C2: variants seen among roughly 807,000 people sequenced by gnomAD.
C2 encodes the protein complement C2, also known as C3/C5 convertase.
Under a neutral mutation model 85.2 loss-of-function variants are expected in C2, and 64 were observed. The ratio of observed to expected loss-of-function variants is 0.75; its 90% CI spans 0.61 to 0.92. The LOEUF (loss-of-function observed/expected upper bound fraction) is 0.92, where lower values mean the gene tolerates loss of function less well. Ranked by LOEUF, C2 falls within the 40% of genes least tolerant of loss-of-function variation. The pLI is 0.00. For missense variants in C2, 820 were observed against 971.6 expected, an observed-to-expected ratio of 0.84 and a Z score of 2.07; for synonymous variants, 311 against 370.8, an observed-to-expected ratio of 0.84 and a Z score of 1.85.
intron 1 of C2, among the ~76,000 whole-genome samples, chr6:31,912,037 C>T (rs1022339762): frequency 2.0e-5 from 3 of 150,118 alleles, no homozygotes; most frequent in Admixed American, 1.3e-4. Context: ...TCCCAAAGTG[C>T]TGGGATTACA....
At chr6:31,911,018 G>T (rs932794958) in intron 1 of C2, among the ~76,000 whole-genome samples, 4 of 151,470 alleles carry the variant, frequency 2.6e-5, no homozygotes, top group Admixed American at 2.0e-4. Flanking sequence ...AATGAATTGG[G>T]CTGGGTGTGG....
chr6:31,931,749 A>G (rs1306786005), intron 3 of C2, among the ~76,000 whole-genome samples: 3 of 152,084 alleles, frequency 2.0e-5, no homozygotes, highest in Non-Finnish European at 2.9e-5. Flanking sequence ...CGTCATTGTC[A>G]TCATGGCCCC....
intron 3 of C2, among the ~76,000 whole-genome samples, chr6:31,933,080 C>T (rs1001313540): frequency 1.4e-5 from 2 of 144,148 alleles, no homozygotes; most frequent in Non-Finnish European, 3.2e-5. Context: ...CGTCCAGCTT[C>T]GGCTCGGCAT....
At position 31,934,878 on chromosome 6, in the gene C2, G is replaced by A. The variant is rs367992562; in HGVS notation, c.849+579G>A. The stretch of plus-strand genomic sequence containing the variant: ...TACAAAATTAGCCACATGTGATGGC[G>A]CACGCCTGTAACCCAGCTACTTGGG... On this transcript the variant is annotated intron_variant, in intron 6 of 17. Transcript: ENST00000299367. 57 of 232,032 alleles carry A rather than the reference G, an allele frequency of 2.5e-4. No homozygotes were observed. In the East Asian group the frequency reaches 2.6e-3, roughly 11 times the overall value. The allele number at this position is 232,032 out of a possible 1,614,324, so 14.4% of individuals were successfully genotyped here.
intron 2 of C2, 151 bp downstream of exon 2, chr6:31,928,315 T>G: frequency 1.4e-6 from 1 of 733,554 alleles, no homozygotes; most frequent in Non-Finnish European, 2.4e-6. Flanking sequence ...AAATGTCAAT[T>G]GCCAGTAGCA....
In C2 at chr6:31,920,298, T is replaced by C. The variant is rs139993975; in HGVS notation, c.-100+272T>C. On this transcript the variant is annotated intron_variant, in intron 1 of 3. Transcript: ENST00000413154. The surrounding 1 kb of genome is among the most constrained non-coding windows in gnomAD (Gnocchi z 5.6). ...GGATTCTCCCATGTGAGCCCCAGGC[T>C]ATCCTTTTGTCAAGAGGGTACTGGT... 16 of 152,368 alleles carry C rather than the reference T, an allele frequency of 1.1e-4. No homozygotes were observed. The allele number at this position is 152,368 out of a possible 1,614,324, so 9.4% of individuals were successfully genotyped here.
chr6:31,900,529 C>T (rs150122946), upstream of C2: 2,888 of 1,611,822 alleles, frequency 1.8e-3, 42 homozygotes, highest in African/African-American at 0.031. The surrounding 1 kb of genome is among the most constrained non-coding windows in gnomAD (Gnocchi z 9.7). Context: ...CCACACCCTG[C>T]GGTGGGGCTA....
At position 31,928,869 on chromosome 6, in the gene C2, C is replaced by T. The variant is rs766407308; in HGVS notation, c.394C>T (p.Arg132Cys). ...ILRGSPVRQCRPNGMWDGETA... is the reference protein window; with the variant it reads ...ILRGSPVRQCCPNGMWDGETA... ...GCGGGGCTCGCCTGTGCGTCAGTGT[C>T]GCCCCAACGGCATGTGGGATGGAGA... Residue 132 changes from arginine (R) to cysteine (C), a missense_variant, in exon 3 of 18, where the codon CGC becomes TGC. Coordinates refer to ENST00000299367, the MANE Select transcript of C2 (RefSeq NM_000063.6). 8.1e-6 allele frequency: 13 copies of T among 1,614,122 alleles called. No homozygotes were observed. The highest frequency in any genetic ancestry group is 4.0e-5 in the African/African-American group (3 of 75,042).
upstream of C2, among the ~76,000 whole-genome samples, chr6:31,927,150 A>G (rs939814027): frequency 1.3e-5 from 2 of 152,224 alleles, no homozygotes; most frequent in African/African-American, 4.8e-5. The surrounding 1 kb of genome is among the most constrained non-coding windows in gnomAD (Gnocchi z 4.7). Context: ...TGTAGGGAAT[A>G]AAAAAGTATT....
At chr6:31,911,380 TA>T (rs1562556109) in intron 1 of C2, among the ~76,000 whole-genome samples, 1 of 152,158 alleles carries the variant, frequency 6.6e-6, no homozygotes, top group Non-Finnish European at 1.5e-5. Flanking sequence ...ATAAGACTTT[TA>T]AAAAAAGATC....
chr6:31,926,910 A>G (rs1769304805), upstream of C2, among the ~76,000 whole-genome samples: 1 of 152,154 alleles, frequency 6.6e-6, no homozygotes, highest in African/African-American at 2.4e-5. Context: ...ACTAGCTTCA[A>G]GTTTCTTTGC....
upstream of C2, chr6:31,900,236 A>C: frequency 6.2e-7 from 1 of 1,614,004 alleles, no homozygotes; most frequent in Non-Finnish European, 8.5e-7. The surrounding 1 kb of genome is among the most constrained non-coding windows in gnomAD (Gnocchi z 9.7). Context: ...CATGAAGATG[A>C]AGTGCTGCGC....
upstream of C2, among the ~76,000 whole-genome samples, chr6:31,924,750 G>A (rs146014304): frequency 3.6e-4 from 55 of 152,288 alleles, no homozygotes; most frequent in Admixed American, 3.5e-3. Context: ...GCTTCATTAC[G>A]TTCTGGTAAC....
chr6:31,929,521 C>A (rs9332708), intron 3 of C2, among the ~76,000 whole-genome samples: 4 of 150,120 alleles, frequency 2.7e-5, no homozygotes, highest in Non-Finnish European at 4.4e-5. Flanking sequence ...GAGTTTGAGA[C>A]CAGCTTGGCC....
chr6:31,934,502 T>C, intron 6 of C2: 1 of 1,253,032 alleles, frequency 8.0e-7, no homozygotes, highest in Non-Finnish European at 1.1e-6. Context: ...GACACTGTGC[T>C]GGGGCTGGGC....
upstream of C2, among the ~76,000 whole-genome samples, chr6:31,915,026 C>T (rs1768407336): frequency 6.6e-6 from 1 of 152,168 alleles, no homozygotes; most frequent in Admixed American, 6.6e-5. Context: ...GTCTATGCCT[C>T]AACGTTGGTG....
chr6:31,898,976 A>G (rs1477731179), upstream of C2, among the ~76,000 whole-genome samples: 1 of 151,924 alleles, frequency 6.6e-6, no homozygotes, highest in East Asian at 1.9e-4. Flanking sequence ...GGATATGCAG[A>G]GTTGTGACCT....
At chr6:31,905,727 C>T (rs1767671892) in intron 1 of C2, among the ~76,000 whole-genome samples, 1 of 152,046 alleles carries the variant, frequency 6.6e-6, no homozygotes, top group African/African-American at 2.4e-5. Context: ...GTCATCAAGG[C>T]TCCCCAGGTT....
At chr6:31,937,539 C>T (rs1284258160) in intron 8 of C2, 80 bp downstream of exon 8, 1 of 1,552,850 alleles carries the variant, frequency 6.4e-7, no homozygotes, top group Non-Finnish European at 8.9e-7. Flanking sequence ...AATTCTGATT[C>T]TCCCTCTGCC....
Sources: allele counts gnomAD v4.1 joint callset (sites outside exome capture counted in the v4.1 genomes callset), GRCh38; gene constraint gnomAD v4.1.1; non-coding constraint Gnocchi (gnomAD v3.1); transcripts MANE v1.5; gene names NCBI Gene and HGNC (gene_info 2026-07-23, HGNC 2026-07-21).